KIF18A: variants seen among roughly 807,000 people sequenced by gnomAD.
The protein encoded by KIF18A is kinesin-like protein KIF18A.
A neutral mutation model predicts 103.3 loss-of-function variants in KIF18A; 67 were observed. That is an observed-to-expected ratio of 0.65 (90% CI 0.53 to 0.79). KIF18A has a LOEUF of 0.79. KIF18A is among the 30% of genes least tolerant of loss of function. KIF18A has a pLI of 0.00. For synonymous variants in KIF18A, 367 were observed against 355.5 expected (o/e 1.03, Z -0.36); for missense variants, 1,032 against 1,062.5 (o/e 0.97, Z 0.40).
At chr11:28,089,972 G>A (rs886215174) in intron 5 of KIF18A, among the ~76,000 whole-genome samples, 8 of 152,126 alleles carry the variant, frequency 5.3e-5, no homozygotes, top group African/African-American at 1.9e-4. Context: ...TGAAATTTTT[G>A]TTGACCAGGG....
At chr11:28,102,915 C>T (rs1340773318) in intron 1 of KIF18A, among the ~76,000 whole-genome samples, 3 of 152,106 alleles carry the variant, frequency 2.0e-5, no homozygotes. Context: ...GAATAAGGCA[C>T]AGAGAGAGTA....
intron 13 of KIF18A, 144 bp downstream of exon 13, chr11:28,058,782 A>C: frequency 1.6e-6 from 1 of 628,264 alleles, no homozygotes. Context: ...ATACTGGTTA[A>C]TTGAAATGAC....
At chr11:28,025,723 T>C (rs1850310176) in intron 15 of KIF18A, among the ~76,000 whole-genome samples, 1 of 151,988 alleles carries the variant, frequency 6.6e-6, no homozygotes. Context: ...GACTTAAAAC[T>C]GATGAGCGCA....
intron 6 of KIF18A, among the ~76,000 whole-genome samples, chr11:28,085,068 T>C (rs747752120): frequency 1.2e-4 from 19 of 152,228 alleles, no homozygotes; most frequent in Non-Finnish European, 1.2e-4. Flanking sequence ...TTACTCTTTG[T>C]TGCATTACGA....
intron 11 of KIF18A, among the ~76,000 whole-genome samples, chr11:28,065,019 A>C (rs1486937438): frequency 6.6e-6 from 1 of 152,094 alleles, no homozygotes; most frequent in African/African-American, 2.4e-5. Context: ...GGAGAGAATG[A>C]ATTGCAGTAG....
chr11:28,101,748 A>T (rs1378433389), intron 1 of KIF18A, among the ~76,000 whole-genome samples: 1 of 152,220 alleles, frequency 6.6e-6, no homozygotes, highest in Non-Finnish European at 1.5e-5. Flanking sequence ...AACTGTGACA[A>T]GTGCCATTAT....
In KIF18A at chr11:28,057,722, A is replaced by G. The variant is rs962275853; in HGVS notation, c.1948+1204T>C. 3.3e-5 allele frequency among the ~76,000 whole-genome samples: 5 copies of G among 152,254 alleles called. No homozygotes were observed. In the South Asian group the frequency reaches 1.0e-3, roughly 32 times the overall value. The stretch of plus-strand genomic sequence containing the variant: ...GCAAATCAGCTTCTAGGATTCTGCT[A>G]TGCACGCACAAATGTGAATACACAG... On this transcript the variant is annotated intron_variant, in intron 13 of 16. Coordinates refer to ENST00000263181, the MANE Select transcript of KIF18A (RefSeq NM_031217.4).
intron 13 of KIF18A, among the ~76,000 whole-genome samples, chr11:28,053,423 A>G (rs1393181318): frequency 6.6e-6 from 1 of 151,990 alleles, no homozygotes; most frequent in Non-Finnish European, 1.5e-5. Flanking sequence ...GGCACATGGG[A>G]CATAAAAAAC....
intron 1 of KIF18A, among the ~76,000 whole-genome samples, chr11:28,107,780 G>A (rs1217967729): frequency 6.6e-6 from 1 of 152,130 alleles, no homozygotes; most frequent in African/African-American, 2.4e-5. Flanking sequence ...CTGGGAAAGG[G>A]GCCAAGATGC....
At chr11:28,045,417 T>A (rs1206466331) in intron 13 of KIF18A, among the ~76,000 whole-genome samples, 1 of 151,406 alleles carries the variant, frequency 6.6e-6, no homozygotes, top group Non-Finnish European at 1.5e-5. Context: ...AAAAAAGAGA[T>A]GCTTCATGTC....
At chr11:28,098,744 T>C (rs890639748) in intron 1 of KIF18A, among the ~76,000 whole-genome samples, 6 of 152,116 alleles carry the variant, frequency 3.9e-5, no homozygotes, top group African/African-American at 1.4e-4. Flanking sequence ...ATTTTATGAC[T>C]GGTTCACATG....
intron 9 of KIF18A, among the ~76,000 whole-genome samples, chr11:28,081,590 T>C (rs1009407621): frequency 1.3e-5 from 2 of 152,158 alleles, no homozygotes; most frequent in Admixed American, 1.3e-4. Context: ...AAAATACTAA[T>C]GCTCACTGAC....
rs905459602 is a variant in KIF18A at position 28,062,421 on chromosome 11, C to T, written c.1686G>A (p.Gln562=). The T allele has an allele frequency of 1.2e-6, 2 of 1,610,968 alleles. No homozygotes were observed. The highest frequency in any genetic ancestry group is 2.2e-5 in the East Asian group (1 of 44,712). Residue 562 remains glutamine, a synonymous_variant, in exon 12 of 17, where the codon CAG becomes CAA. Transcript: ENST00000263181. ...IRHMMDLACL[Q]EQQHRQTEAV... is the part of the protein sequence containing the mutation. ...CTTCAGTCTGCCTGTGTTGCTGTTC[C>T]TGAAGACAAGCTAGATCCATCATAT...
intron 15 of KIF18A, among the ~76,000 whole-genome samples, chr11:28,030,515 T>C (rs1850382598): frequency 6.6e-6 from 1 of 152,106 alleles, no homozygotes; most frequent in South Asian, 2.1e-4. Flanking sequence ...CCTTACACCT[T>C]ATACAAAAAT....
chr11:28,047,794 C>T (rs1850657169), intron 13 of KIF18A, among the ~76,000 whole-genome samples: 2 of 152,058 alleles, frequency 1.3e-5, no homozygotes, highest in Admixed American at 6.6e-5. Flanking sequence ...TACTTCATTG[C>T]TCCCAAAATG....
At position 28,067,718 on chromosome 11, in the gene KIF18A, T is replaced by C. The variant is rs149593980; in HGVS notation, c.1590+1541A>G. ...ATATCAATTAGCTGATACAGAGTTATAGAATTTCAGAAGAGCATCACCAAA... is the reference window on the plus strand; with the variant it reads ...ATATCAATTAGCTGATACAGAGTTACAGAATTTCAGAAGAGCATCACCAAA... On this transcript the variant is annotated intron_variant, in intron 11 of 16. Transcript: ENST00000263181. Among the ~76,000 whole-genome samples the C allele has an allele frequency of 3.1e-3, 478 of 152,286 alleles. 4 individuals are homozygous for C. Among genetic ancestry groups the C allele is most frequent in the African/African-American group, 0.011 (456 of 41,566 alleles).
intron 13 of KIF18A, among the ~76,000 whole-genome samples, chr11:28,047,660 T>C (rs1260588185): frequency 2.0e-5 from 3 of 152,078 alleles, no homozygotes; most frequent in African/African-American, 7.2e-5. Context: ...ATTTTCCAGG[T>C]AGAAGTCAGG....
intron 12 of KIF18A, among the ~76,000 whole-genome samples, chr11:28,060,607 G>A (rs1307936554): frequency 6.6e-6 from 1 of 152,156 alleles, no homozygotes; most frequent in Admixed American, 6.5e-5. Flanking sequence ...GTCTGACACT[G>A]CTAAGAAAGG....
intron 1 of KIF18A, among the ~76,000 whole-genome samples, chr11:28,099,823 T>C (rs1425740295): frequency 6.6e-6 from 1 of 152,134 alleles, no homozygotes; most frequent in Non-Finnish European, 1.5e-5. Flanking sequence ...CTTTGGCTTG[T>C]ACTCTGAGTA....
Sources: gnomAD v4.1 joint callset for allele counts (sites outside exome capture counted in the v4.1 genomes callset) on GRCh38, gnomAD v4.1.1 for gene constraint, MANE v1.5 for transcripts, NCBI Gene and HGNC (gene_info 2026-07-23, HGNC 2026-07-21) for gene names.